The following SDK1 variants were observed in gnomAD, a reference collection of about 807,000 sequenced individuals.
The protein encoded by SDK1 is protein sidekick-1.
A neutral mutation model predicts 245.5 loss-of-function variants in SDK1; 157 were observed. That is an observed-to-expected ratio of 0.64 (90% confidence interval 0.56 to 0.73). The LOEUF is 0.73. Ranked by LOEUF, SDK1 falls within the 30% of genes least tolerant of loss-of-function variation. The pLI is 0.00. For synonymous variants in SDK1, 1,647 were observed against 1,278.5 expected (o/e 1.29, Z -6.15); for missense variants, 3,583 against 3,002.3 (o/e 1.19, Z -4.52).
At chr7:4,207,382 T>C (rs1784281677) in intron 36 of SDK1, among the ~76,000 whole-genome samples, 1 of 152,200 alleles carries the variant, frequency 6.6e-6, no homozygotes, top group Admixed American at 6.5e-5. Flanking sequence ...TCCGGCCAGC[T>C]GTCTAGGGAA....
In SDK1 at chr7:3,653,339, C is replaced by T. The variant is rs536463925; in HGVS notation, c.713+11234C>T. ...AGGCGTTCTGTTTTCTTGAAAAACT[C>T]GGTTGTCACTTGGGGTATTTGAAAT... On this transcript the variant is annotated intron_variant, in intron 4 of 44. Coordinates refer to ENST00000404826, the MANE Select transcript of SDK1 (RefSeq NM_152744.4). Among the ~76,000 whole-genome samples the T allele has an allele frequency of 1.3e-4, 20 of 152,224 alleles. 1 individual carries two copies. The highest frequency in any genetic ancestry group is 4.1e-4 in the African/African-American group (17 of 41,540).
chr7:3,450,357 A>T (rs1780474505), intron 1 of SDK1, among the ~76,000 whole-genome samples: 2 of 152,284 alleles, frequency 1.3e-5, no homozygotes, highest in Non-Finnish European at 2.9e-5. Context: ...TGTGTGGATG[A>T]GGTATTATTA....
rs1346601825 is a variant in SDK1, at chr7:3,657,769, G to T, written c.713+15664G>T. Among the ~76,000 whole-genome samples the T allele has an allele frequency of 3.3e-5, 5 of 152,260 alleles. No homozygotes were observed. The East Asian group carries it at 9.7e-4, about 29-fold the overall frequency. Reference sequence around the variant, plus strand: ...GTATGTTTTTCTTATCTTTCTGCGAGACTACTCTAAATCTTCACGACATGC... The same window carrying T: ...GTATGTTTTTCTTATCTTTCTGCGATACTACTCTAAATCTTCACGACATGC... On this transcript the variant is annotated intron_variant, in intron 4 of 44. Coordinates refer to ENST00000404826, the MANE Select transcript of SDK1 (RefSeq NM_152744.4).
intron 4 of SDK1, among the ~76,000 whole-genome samples, chr7:3,766,748 G>T (rs1780264946): frequency 6.6e-6 from 1 of 152,136 alleles, no homozygotes; most frequent in African/African-American, 2.4e-5. Context: ...CAAATGATGA[G>T]ATTAGGGCTT....
intron 5 of SDK1, among the ~76,000 whole-genome samples, chr7:3,901,377 G>C (rs1040303748): frequency 6.6e-6 from 1 of 151,900 alleles, no homozygotes; most frequent in African/African-American, 2.4e-5. Context: ...TAATAGAGAC[G>C]GGGTTTCACC....
chr7:3,501,069 G>T (rs1782195019), intron 1 of SDK1, among the ~76,000 whole-genome samples: 1 of 152,052 alleles, frequency 6.6e-6, no homozygotes, highest in African/African-American at 2.4e-5. Context: ...TTTCTTAGAT[G>T]ACTGTTCATT....
rs184678250 is a variant in SDK1 at position 3,619,031 on chromosome 7, C to T, written c.299-49C>T. On this transcript the variant is annotated intron_variant, in intron 1 of 44. Transcript: ENST00000404826. ...GATTTATTAAATTAGATGAGTGCCA[C>T]TTTCATGCGTACTTCAGTTTTGTTT... 3.6e-5 allele frequency: 51 copies of T among 1,422,998 alleles called. No homozygotes were observed. In the Middle Eastern group the frequency reaches 7.2e-4, roughly 20 times the overall value. 88.1% of individuals were successfully genotyped at this position (1,422,998 alleles called of 1,614,324 possible). A position where few individuals can be genotyped will look rare whatever the true frequency, so the allele number is the denominator to read the frequency against.
chr7:3,663,129 C>A (rs867468371), intron 4 of SDK1, among the ~76,000 whole-genome samples: 1 of 152,120 alleles, frequency 6.6e-6, no homozygotes, highest in Non-Finnish European at 1.5e-5. Context: ...AAAACAAAAT[C>A]TGTTTTCAAT....
In SDK1 at chr7:3,622,619, C is replaced by G. The variant is rs114211196; in HGVS notation, c.458+3380C>G. Reference sequence around the variant, plus strand: ...TAAAACTGCAGGAAGAGGTGGAACACTCTTTGTATTCTTAAGAGCCCTTGC... The same window carrying G: ...TAAAACTGCAGGAAGAGGTGGAACAGTCTTTGTATTCTTAAGAGCCCTTGC... On this transcript the variant is annotated intron_variant, in intron 2 of 44. Transcript: ENST00000404826. Among the ~76,000 whole-genome samples, 1,345 of 152,280 alleles carry G rather than the reference C, an allele frequency of 8.8e-3. 23 individuals carry two copies. Among genetic ancestry groups the G allele is most frequent in the African/African-American group, 0.03 (1,246 of 41,560 alleles).
intron 5 of SDK1, among the ~76,000 whole-genome samples, chr7:3,857,686 CAA>C (rs76491789): frequency 7.2e-6 from 1 of 138,586 alleles, no homozygotes. Flanking sequence ...GACCCTGTCT[CAA>C]AAAAAAAAAA....
intron 20 of SDK1, among the ~76,000 whole-genome samples, chr7:4,071,987 T>C (rs11976085): frequency 0.36 from 54,702 of 152,086 alleles, 14,298 homozygotes; most frequent in African/African-American, 0.74. Flanking sequence ...TGTTTAAAGC[T>C]GAAAGAAAAA....
intron 8 of SDK1, among the ~76,000 whole-genome samples, chr7:3,961,922 T>C (rs1583647328): frequency 6.6e-6 from 1 of 152,032 alleles, no homozygotes; most frequent in Non-Finnish European, 1.5e-5. Context: ...TACACAGATG[T>C]ACACACACAT....
chr7:4,262,091 G>A (rs1207159638), intron 44 of SDK1, among the ~76,000 whole-genome samples: 1 of 132,882 alleles, frequency 7.5e-6, no homozygotes, highest in Non-Finnish European at 1.6e-5. Context: ...GTGCAGTGGC[G>A]AGATCTCGGC....
intron 1 of SDK1, among the ~76,000 whole-genome samples, chr7:3,443,803 G>A (rs971029603): frequency 5.3e-5 from 8 of 152,164 alleles, no homozygotes; most frequent in Non-Finnish European, 1.2e-4. Context: ...TCTTATAAAT[G>A]TATTGTCATC....
In SDK1 at chr7:3,423,572, CT is replaced by C. The variant is rs57476358; in HGVS notation, c.298+121700del. 8.3e-4 allele frequency among the ~76,000 whole-genome samples: 114 copies of C among 137,494 alleles called. 1 individual carries two copies. The highest frequency in any genetic ancestry group is 1.0e-3 in the African/African-American group (39 of 38,686). 90.2% of individuals were successfully genotyped at this position (137,494 alleles called of 152,430 possible). A position where few individuals can be genotyped will look rare whatever the true frequency, so the allele number is the denominator to read the frequency against. Reference sequence around the variant, plus strand: ...TGTGTTTTAGTCATGGAAACAGTGGCTTTTTTTTTTTTCAGTTTTGTTTTTG... The same window carrying C: ...TGTGTTTTAGTCATGGAAACAGTGGCTTTTTTTTTTTCAGTTTTGTTTTTG... On this transcript the variant is annotated intron_variant, in intron 1 of 44. Coordinates refer to ENST00000404826, the MANE Select transcript of SDK1 (RefSeq NM_152744.4).
At chr7:3,556,791 T>C (rs933502052) in intron 1 of SDK1, among the ~76,000 whole-genome samples, 3 of 152,026 alleles carry the variant, frequency 2.0e-5, no homozygotes, top group Non-Finnish European at 4.4e-5. Flanking sequence ...GAGATTCTGT[T>C]TCAAATAAAT....
At chr7:4,123,767 C>A (rs1280991158) in intron 25 of SDK1, among the ~76,000 whole-genome samples, 1 of 152,140 alleles carries the variant, frequency 6.6e-6, no homozygotes, top group Non-Finnish European at 1.5e-5. Flanking sequence ...TAGTGACAGG[C>A]ATCACTGGGG....
At position 4,033,412 on chromosome 7, in the gene SDK1, T is replaced by G. The variant is rs1337857779; in HGVS notation, c.2603-15936T>G. On this transcript the variant is annotated intron_variant, in intron 17 of 44. Coordinates refer to ENST00000404826, the MANE Select transcript of SDK1 (RefSeq NM_152744.4). ...CTAACCTGGAAGTGGGGAAAACTTG[T>G]CTAACAATGACTCAAAATCTCGAAG... Among the ~76,000 whole-genome samples, 6 of 152,138 alleles carry G rather than the reference T, an allele frequency of 3.9e-5. No individual in the cohort carries two copies. The East Asian group carries it at 1.2e-3, about 29-fold the overall frequency.
chr7:3,962,436 A>T (rs545148280), intron 8 of SDK1, among the ~76,000 whole-genome samples: 18 of 152,336 alleles, frequency 1.2e-4, no homozygotes, highest in Middle Eastern at 3.4e-3. Flanking sequence ...CACCGCAGCC[A>T]GGGCGGCCAC....
Sources: gnomAD v4.1 joint callset for allele counts (sites outside exome capture counted in the v4.1 genomes callset) on GRCh38, gnomAD v4.1.1 for gene constraint, MANE v1.5 for transcripts, NCBI Gene and HGNC (gene_info 2026-07-23, HGNC 2026-07-21) for gene names.